The following CNTNAP2 variants were observed in gnomAD, a reference collection of about 807,000 sequenced individuals.
CNTNAP2 encodes contactin associated protein 2.
Under a neutral mutation model 155.2 loss-of-function variants are expected in CNTNAP2, and 98 were observed. That is an observed-to-expected ratio of 0.63 (90% CI 0.54 to 0.75). The LOEUF (loss-of-function observed/expected upper bound fraction) is 0.75, where lower values mean the gene tolerates loss of function less well. Among genes scored for constraint, CNTNAP2 ranks in the 30% least tolerant of loss-of-function variants. CNTNAP2 has a pLI of 0.00. For missense variants in CNTNAP2, 1,727 were observed against 1,688.1 expected (o/e 1.02, Z -0.40); for synonymous variants, 651 against 631.2 (o/e 1.03, Z -0.47).
At chr7:148,125,242 TTCTC>T (rs143567660) in intron 16 of CNTNAP2, among the ~76,000 whole-genome samples, 2 of 151,766 alleles carry the variant, frequency 1.3e-5, no homozygotes, top group Non-Finnish European at 2.9e-5. Flanking sequence ...CTTTCTCTCT[TTCTC>T]TCTCTCTCCC....
chr7:147,221,700 T>C (rs959950386), intron 8 of CNTNAP2, among the ~76,000 whole-genome samples: 3 of 152,246 alleles, frequency 2.0e-5, no homozygotes, highest in African/African-American at 7.2e-5. Context: ...ATTCTTTGCA[T>C]ACATTTGAGA....
At chr7:147,830,804 C>A (rs1264497236) in intron 13 of CNTNAP2, among the ~76,000 whole-genome samples, 1 of 152,192 alleles carries the variant, frequency 6.6e-6, no homozygotes, top group Admixed American at 6.5e-5. Context: ...CTGACTGCTA[C>A]GTTACTTTTT....
chr7:148,313,463 C>T (rs578222851), intron 21 of CNTNAP2, among the ~76,000 whole-genome samples: 14 of 152,140 alleles, frequency 9.2e-5, no homozygotes, highest in South Asian at 8.3e-4. Flanking sequence ...TAGGAGGAAT[C>T]CTGGGCTGCG....
At chr7:146,645,889 A>G (rs1470665461) in intron 1 of CNTNAP2, among the ~76,000 whole-genome samples, 1 of 152,052 alleles carries the variant, frequency 6.6e-6, no homozygotes, top group Admixed American at 6.6e-5. Flanking sequence ...AGTGTTGGTA[A>G]TATACTTCAA....
At chr7:147,302,236 A>G (rs1314824612) in intron 9 of CNTNAP2, among the ~76,000 whole-genome samples, 2 of 152,234 alleles carry the variant, frequency 1.3e-5, no homozygotes, top group Non-Finnish European at 2.9e-5. Flanking sequence ...AGCTACTGAT[A>G]ATCTCTGCTG....
At chr7:147,855,235 G>A (rs933803652) in intron 13 of CNTNAP2, among the ~76,000 whole-genome samples, 4 of 152,108 alleles carry the variant, frequency 2.6e-5, no homozygotes, top group African/African-American at 9.6e-5. Flanking sequence ...AACTAATGAA[G>A]GGGGAGAAGG....
At chr7:147,598,290 C>T (rs1380505553) in intron 12 of CNTNAP2, among the ~76,000 whole-genome samples, 1 of 151,804 alleles carries the variant, frequency 6.6e-6, no homozygotes, top group Non-Finnish European at 1.5e-5. Context: ...GGTTTTAAAT[C>T]CCGCATGTAT....
chr7:148,001,552 A>G (rs1230055174), intron 15 of CNTNAP2, among the ~76,000 whole-genome samples: 2 of 152,246 alleles, frequency 1.3e-5, no homozygotes, highest in Non-Finnish European at 2.9e-5. Flanking sequence ...TGGAGTTGTC[A>G]ATCACAGAAT....
intron 8 of CNTNAP2, among the ~76,000 whole-genome samples, chr7:147,139,334 T>C (rs1449844224): frequency 1.3e-5 from 2 of 152,072 alleles, no homozygotes; most frequent in African/African-American, 4.8e-5. Context: ...ATTTACATAG[T>C]AGAGATATAT....
intron 15 of CNTNAP2, among the ~76,000 whole-genome samples, chr7:148,000,586 C>T (rs1801878739): frequency 6.6e-6 from 1 of 152,244 alleles, no homozygotes; most frequent in South Asian, 2.1e-4. Flanking sequence ...CTAACCCAGG[C>T]AAATTGGCTC....
intron 1 of CNTNAP2, among the ~76,000 whole-genome samples, chr7:146,220,367 G>A (rs112889197): frequency 2.0e-5 from 3 of 152,018 alleles, no homozygotes; most frequent in African/African-American, 7.2e-5. Context: ...TCTTAAAATT[G>A]TCTGTATTTG....
chr7:146,834,749 C>T (rs929948758), intron 2 of CNTNAP2, among the ~76,000 whole-genome samples: 15 of 152,142 alleles, frequency 9.9e-5, no homozygotes, highest in African/African-American at 3.6e-4. Flanking sequence ...CTTCTAACTC[C>T]TCTTTGACGT....
At chr7:148,414,865 TGCCTG>T (rs979569241) in intron 23 of CNTNAP2, 1 of 163,506 alleles carries the variant, frequency 6.1e-6, no homozygotes. Context: ...TCTGGTTTTT[TGCCTG>T]GCCTGTGGAC....
At chr7:147,239,293 G>A (rs1168216553) in intron 8 of CNTNAP2, among the ~76,000 whole-genome samples, 1 of 151,940 alleles carries the variant, frequency 6.6e-6, no homozygotes, top group East Asian at 1.9e-4. Context: ...GGATCACAAG[G>A]TCAGGAGTTC....
At chr7:147,516,616 GAA>G (rs1799132012) in intron 11 of CNTNAP2, among the ~76,000 whole-genome samples, 2 of 85,826 alleles carry the variant, frequency 2.3e-5, no homozygotes, top group African/African-American at 8.3e-5. Flanking sequence ...GAGAGAGAGA[GAA>G]TGTGTGTGTG....
Position 147,873,146 on chromosome 7 carries a change from A to G in CNTNAP2, c.2099-30419A>G, listed in dbSNP as rs529735018. On this transcript the variant is annotated intron_variant, in intron 13 of 23. Coordinates refer to ENST00000361727, the MANE Select transcript of CNTNAP2 (RefSeq NM_014141.6). ...GAATCCACGCTCCAGCTTGGGATCA[A>G]GAAAACTAAAATTAGTAACACTAAC... Among the ~76,000 whole-genome samples the G allele has an allele frequency of 1.1e-3, 165 of 152,370 alleles. 1 individual carries two copies. The highest frequency in any genetic ancestry group is 3.7e-3 in the African/African-American group (153 of 41,594).
chr7:148,415,336 G>A (rs1003780495), intron 23 of CNTNAP2, 81 bp from the exon 24 acceptor site: 22 of 1,412,886 alleles, frequency 1.6e-5, no homozygotes, highest in African/African-American at 7.0e-5. Context: ...TGTGTCTGAC[G>A]GAGCTGTAGT....
intron 21 of CNTNAP2, among the ~76,000 whole-genome samples, chr7:148,330,546 T>G (rs1797973530): frequency 8.1e-6 from 1 of 123,636 alleles, no homozygotes; most frequent in African/African-American, 3.1e-5. Flanking sequence ...ATAGATGGAG[T>G]GCACGGATGG....
intron 8 of CNTNAP2, among the ~76,000 whole-genome samples, chr7:147,215,552 G>C (rs1803249723): frequency 6.6e-6 from 1 of 151,844 alleles, no homozygotes; most frequent in Non-Finnish European, 1.5e-5. Flanking sequence ...TCTATTTTCT[G>C]GTCTGTTTGT....
Sources: allele counts gnomAD v4.1 joint callset (sites outside exome capture counted in the v4.1 genomes callset), GRCh38; gene constraint gnomAD v4.1.1; transcripts MANE v1.5; gene names NCBI Gene and HGNC (gene_info 2026-07-23, HGNC 2026-07-21).